TMED3: variants seen among roughly 807,000 people sequenced by gnomAD.
TMED3 encodes transmembrane emp24 domain-containing protein 3.
A neutral mutation model predicts 15.0 loss-of-function variants in TMED3; 9 were observed. The ratio of observed to expected loss-of-function variants is 0.60; its 90% CI spans 0.36 to 1.04. The LOEUF (loss-of-function observed/expected upper bound fraction) is 1.04. TMED3 is among the 50% of genes least tolerant of loss of function. TMED3 has a pLI of 0.01. For missense variants in TMED3, 267 were observed against 278.9 expected, an observed-to-expected ratio of 0.96 and a Z score of 0.30; for synonymous variants, 117 against 121.4, an observed-to-expected ratio of 0.96 and a Z score of 0.24.
chr15:79,330,131 G>A (rs1231575993), intron 2 of TMED3, among the ~76,000 whole-genome samples: 1 of 152,112 alleles, frequency 6.6e-6, no homozygotes, highest in East Asian at 1.9e-4. Context: ...CTAAGAACTG[G>A]AACAGGACAA....
At chr15:79,396,613 G>A (rs1249540746) in intron 2 of TMED3, among the ~76,000 whole-genome samples, 1 of 152,166 alleles carries the variant, frequency 6.6e-6, no homozygotes, top group Non-Finnish European at 1.5e-5. Context: ...GCTGCACGGC[G>A]ATTTATGATC....
chr15:79,368,628 G>A (rs1893281550), intron 2 of TMED3, among the ~76,000 whole-genome samples: 1 of 152,110 alleles, frequency 6.6e-6, no homozygotes, highest in Non-Finnish European at 1.5e-5. Flanking sequence ...TAGAAGGAGA[G>A]AAAACTAGGT....
At chr15:79,348,469 G>A (rs1434221041) in intron 2 of TMED3, among the ~76,000 whole-genome samples, 2 of 152,154 alleles carry the variant, frequency 1.3e-5, no homozygotes. Flanking sequence ...CTCATATAGG[G>A]AGACAAATCA....
At chr15:79,361,045 T>TAG (rs1893119578) in intron 2 of TMED3, among the ~76,000 whole-genome samples, 1 of 152,124 alleles carries the variant, frequency 6.6e-6, no homozygotes, top group Non-Finnish European at 1.5e-5. Flanking sequence ...TTATTTTTTG[T>TAG]AGAGAGAGAG....
chr15:79,352,768 T>C, intron 2 of TMED3, among the ~76,000 whole-genome samples: 1 of 142,836 alleles, frequency 7.0e-6, no homozygotes, highest in South Asian at 2.1e-4. Flanking sequence ...TTAATGATCT[T>C]GGGTTTTCCG....
At chr15:79,408,428 C>T (rs747796983) in intron 2 of TMED3, among the ~76,000 whole-genome samples, 5 of 152,126 alleles carry the variant, frequency 3.3e-5, no homozygotes, top group Non-Finnish European at 5.9e-5. Context: ...CACTGACTCC[C>T]GAGGTGGTCG....
intron 2 of TMED3, among the ~76,000 whole-genome samples, chr15:79,353,133 A>G (rs2058900092): frequency 1.3e-5 from 1 of 77,466 alleles, no homozygotes; most frequent in African/African-American, 6.6e-5. Flanking sequence ...TATATATAAA[A>G]TATATAAAAA....
At chr15:79,327,518 A>G (rs2058791659), downstream of TMED3, among the ~76,000 whole-genome samples, 1 of 152,252 alleles carries the variant, frequency 6.6e-6, no homozygotes, top group South Asian at 2.1e-4. Context: ...TTTTAAATGT[A>G]CAAATGTTCG....
chr15:79,337,728 A>C (rs950109636), intron 2 of TMED3, among the ~76,000 whole-genome samples: 4 of 152,240 alleles, frequency 2.6e-5, no homozygotes, highest in African/African-American at 9.6e-5. Context: ...TAGTGATCAA[A>C]TCCTGACTCT....
chr15:79,349,207 G>A (rs1306523391), intron 2 of TMED3, among the ~76,000 whole-genome samples: 1 of 152,156 alleles, frequency 6.6e-6, no homozygotes, highest in Non-Finnish European at 1.5e-5. Context: ...TTTGATTTAT[G>A]TGTCCTCACG....
At chr15:79,326,384 C>T, downstream of TMED3, among the ~76,000 whole-genome samples, 1 of 152,202 alleles carries the variant, frequency 6.6e-6, no homozygotes, top group Non-Finnish European at 1.5e-5. Flanking sequence ...GGCTCCTGAG[C>T]TGTCACAGCC....
At chr15:79,342,079 C>A (rs2058853747) in intron 2 of TMED3, among the ~76,000 whole-genome samples, 1 of 152,114 alleles carries the variant, frequency 6.6e-6, no homozygotes, top group African/African-American at 2.4e-5. Flanking sequence ...AAAATTATGA[C>A]TAAATATGTC....
intron 2 of TMED3, among the ~76,000 whole-genome samples, chr15:79,342,045 A>G (rs950454374): frequency 2.6e-5 from 4 of 152,220 alleles, no homozygotes; most frequent in Non-Finnish European, 5.9e-5. Context: ...GAGAAAAACT[A>G]AAAAACGTGG....
In TMED3 at chr15:79,322,330, G is replaced by A; in HGVS notation, c.*116G>A. 6.7e-6 allele frequency: 10 copies of A among 1,501,050 alleles called. No homozygotes were observed. The highest frequency in any genetic ancestry group is 2.3e-5 in the Admixed American group (1 of 43,410). The allele number at this position is 1,501,050 out of a possible 1,614,324, so 93.0% of individuals were successfully genotyped here. A position where few individuals can be genotyped will look rare whatever the true frequency, so the allele number is the denominator to read the frequency against. On this transcript the variant is annotated 3_prime_UTR_variant, in exon 3 of 3. Coordinates refer to ENST00000299705, the MANE Select transcript of TMED3 (RefSeq NM_007364.4). Reference sequence around the variant, plus strand: ...GTGGAGGCAGAACGATGCTGCTGTGGTAGCCCTTTGCCTTTCATGCCCATG... The same window carrying A: ...GTGGAGGCAGAACGATGCTGCTGTGATAGCCCTTTGCCTTTCATGCCCATG...
intron 2 of TMED3, among the ~76,000 whole-genome samples, chr15:79,409,047 T>C (rs1047335610): frequency 1.3e-5 from 2 of 152,238 alleles, no homozygotes; most frequent in African/African-American, 4.8e-5. Context: ...CCATGATTGC[T>C]TTTCTGAAGC....
intron 2 of TMED3, among the ~76,000 whole-genome samples, chr15:79,367,354 T>C (rs190375111): frequency 9.2e-5 from 14 of 152,274 alleles, no homozygotes; most frequent in African/African-American, 3.1e-4. Context: ...CACACTGGGT[T>C]TGCAGTGGGA....
chr15:79,388,281 C>T (rs1007453171), intron 2 of TMED3, among the ~76,000 whole-genome samples: 3 of 152,104 alleles, frequency 2.0e-5, no homozygotes, highest in African/African-American at 7.2e-5. Flanking sequence ...AAAGGGAAGT[C>T]TGCTTTTATT....
At chr15:79,344,653 A>G (rs577478970) in intron 2 of TMED3, among the ~76,000 whole-genome samples, 1 of 152,262 alleles carries the variant, frequency 6.6e-6, no homozygotes, top group South Asian at 2.1e-4. Context: ...TTTTTCTTTT[A>G]AGGTCACATT....
intron 2 of TMED3, among the ~76,000 whole-genome samples, chr15:79,339,140 G>C (rs1388888533): frequency 1.3e-5 from 2 of 152,140 alleles, no homozygotes; most frequent in African/African-American, 4.8e-5. Context: ...TCTAATAATG[G>C]TGTAAGTTGT....
Sources: allele counts gnomAD v4.1 joint callset (sites outside exome capture counted in the v4.1 genomes callset), GRCh38; gene constraint gnomAD v4.1.1; transcripts MANE v1.5; gene names NCBI Gene and HGNC (gene_info 2026-07-23, HGNC 2026-07-21).